The following RBBP5 variants were observed in gnomAD, a reference collection of about 807,000 sequenced individuals.
The protein encoded by RBBP5 is retinoblastoma-binding protein 5.
A neutral mutation model predicts 72.2 loss-of-function variants in RBBP5; 5 were observed. That is an observed-to-expected ratio of 0.07 (90% CI 0.04 to 0.15). The LOEUF (loss-of-function observed/expected upper bound fraction) is 0.15, where lower values mean the gene tolerates loss of function less well. RBBP5 is among the 10% of genes least tolerant of loss of function. The pLI is 1.00. For missense variants in RBBP5, 322 were observed against 652.2 expected, an observed-to-expected ratio of 0.49 and a Z score of 5.51; for synonymous variants, 209 against 237.2, an observed-to-expected ratio of 0.88 and a Z score of 1.09.
chr1:205,109,661 G>A (rs765312819), intron 3 of RBBP5, among the ~76,000 whole-genome samples: 3 of 151,804 alleles, frequency 2.0e-5, no homozygotes, highest in Non-Finnish European at 4.4e-5. Context: ...TCATAATGGA[G>A]GGAAATCTAA....
intron 12 of RBBP5, among the ~76,000 whole-genome samples, chr1:205,095,312 T>C (rs1817001): frequency 0.8 from 121,802 of 152,104 alleles, 49,931 homozygotes; most frequent in East Asian, 0.97. Context: ...ACATGCGGCC[T>C]AGGACAGCTT....
intron 10 of RBBP5, among the ~76,000 whole-genome samples, chr1:205,098,328 GA>G (rs1262224404): frequency 6.6e-6 from 1 of 152,146 alleles, no homozygotes; most frequent in Non-Finnish European, 1.5e-5. Context: ...GAATACATGG[GA>G]AAAGCTGAGC....
At chr1:205,106,423 C>T (rs1320630125) in intron 3 of RBBP5, among the ~76,000 whole-genome samples, 4 of 152,124 alleles carry the variant, frequency 2.6e-5, no homozygotes, top group Non-Finnish European at 5.9e-5. Flanking sequence ...GGTGAAACTC[C>T]GTTGTCTACT....
chr1:205,099,668 C>A lies in RBBP5; in HGVS notation c.978+73G>T. On this transcript the variant is annotated intron_variant, in intron 9 of 13. Coordinates refer to ENST00000264515, the MANE Select transcript of RBBP5 (RefSeq NM_005057.4). This position sits in a 1 kb window ranked among gnomAD's most constrained non-coding sequence, Gnocchi z 4.7. ...AAGAAAATAAAAATGTAATTTTTAGCTTCCTATGTATAAGGTTCTTTGATA... is the reference window on the plus strand; with the variant it reads ...AAGAAAATAAAAATGTAATTTTTAGATTCCTATGTATAAGGTTCTTTGATA... 1 of 1,394,688 alleles carries A rather than the reference C, an allele frequency of 7.2e-7. No homozygotes were observed. The allele number at this position is 1,394,688 out of a possible 1,614,324, so 86.4% of individuals were successfully genotyped here.
chr1:205,110,256 G>A (rs1461388607), intron 3 of RBBP5, among the ~76,000 whole-genome samples: 2 of 152,102 alleles, frequency 1.3e-5, no homozygotes, highest in South Asian at 2.1e-4. Context: ...CTGACCTCAA[G>A]TGATTGGTGA....
intron 3 of RBBP5, 118 bp from the exon 4 acceptor site, chr1:205,105,286 T>C (rs1373049857): frequency 1.6e-6 from 2 of 1,219,014 alleles, no homozygotes; most frequent in Non-Finnish European, 2.3e-6. Flanking sequence ...ATGTTTTTGG[T>C]TTTGTTCCAC....
intron 13 of RBBP5, among the ~76,000 whole-genome samples, chr1:205,092,741 C>G (rs1192068132): frequency 6.6e-6 from 1 of 150,928 alleles, no homozygotes; most frequent in Non-Finnish European, 1.5e-5. Context: ...AAGGTTTTTT[C>G]TTGTTTGTTT....
At chr1:205,096,399 G>A (rs534678785) in intron 12 of RBBP5, among the ~76,000 whole-genome samples, 4 of 152,118 alleles carry the variant, frequency 2.6e-5, no homozygotes, top group South Asian at 2.1e-4. Context: ...ACCACTCTAC[G>A]GGGAAACATT....
chr1:205,120,423 G>A (rs563103138), intron 1 of RBBP5, among the ~76,000 whole-genome samples: 1 of 152,258 alleles, frequency 6.6e-6, no homozygotes, highest in Non-Finnish European at 1.5e-5. Flanking sequence ...TGGCCAAGCA[G>A]GAAAATTCTT....
chr1:205,105,820 G>C (rs891865968), intron 3 of RBBP5, among the ~76,000 whole-genome samples: 1 of 152,204 alleles, frequency 6.6e-6, no homozygotes, highest in African/African-American at 2.4e-5. Flanking sequence ...CCCAAGAAGA[G>C]CTAAGGGACC....
In RBBP5 at chr1:205,088,665, A is replaced by C; in HGVS notation, c.*122T>G. On this transcript the variant is annotated 3_prime_UTR_variant, in exon 14 of 14. Transcript: ENST00000264515. ...ATTTAAACATAAAATTCACCCTCCCACCTCCTGGGTGGGAGGCACAGGCCT... is the reference window on the plus strand; with the variant it reads ...ATTTAAACATAAAATTCACCCTCCCCCCTCCTGGGTGGGAGGCACAGGCCT... 1 of 965,396 alleles carries C rather than the reference A, an allele frequency of 1.0e-6. No individual in the cohort carries two copies. Among genetic ancestry groups the C allele is most frequent in the Non-Finnish European group, 1.6e-6 (1 of 640,934 alleles). The allele number at this position is 965,396 out of a possible 1,614,324, so 59.8% of individuals were successfully genotyped here.
intron 3 of RBBP5, among the ~76,000 whole-genome samples, chr1:205,111,207 A>C (rs141047242): frequency 2.0e-5 from 3 of 152,374 alleles, no homozygotes; most frequent in East Asian, 1.9e-4. Flanking sequence ...CTGGAAGTCT[A>C]CTGTAATGAG....
chr1:205,107,380 T>C (rs962806993), intron 3 of RBBP5, among the ~76,000 whole-genome samples: 7 of 150,786 alleles, frequency 4.6e-5, no homozygotes, highest in African/African-American at 1.5e-4. Flanking sequence ...AAGAGAAAAA[T>C]GATGCCTTAT....
intron 12 of RBBP5, among the ~76,000 whole-genome samples, chr1:205,095,692 G>A (rs1476783277): frequency 1.3e-5 from 2 of 152,180 alleles, no homozygotes; most frequent in African/African-American, 4.8e-5. Flanking sequence ...CCACTTCTGT[G>A]AGACTTTAGG....
intron 1 of RBBP5, 65 bp from the exon 2 acceptor site, chr1:205,115,948 G>A (rs752537449): frequency 7.4e-6 from 12 of 1,613,676 alleles, no homozygotes; most frequent in Admixed American, 3.3e-5. Context: ...TACAACTCAC[G>A]AACAGTGTAT....
chr1:205,091,699 G>A (rs1309796665), intron 13 of RBBP5: 1 of 152,214 alleles, frequency 6.6e-6, no homozygotes, highest in Non-Finnish European at 1.5e-5. Flanking sequence ...TTAACAAACA[G>A]TTGTCATTCA....
Position 205,105,034 on chromosome 1 carries a change from C to T in RBBP5, c.353G>A (p.Arg118Gln), listed in dbSNP as rs1437194246. 4 of 1,613,868 alleles carry T rather than the reference C, an allele frequency of 2.5e-6. No homozygotes were observed. The highest frequency in any genetic ancestry group is 3.4e-6 in the Non-Finnish European group (4 of 1,179,894). ...SPILKVQYHP[R>Q]DQNKVLVCPM... ...AGAAATAGCTTAAACATACTGATCT[C>T]GTGGATGATATTGGACTTTTAAGAT... Residue 118 changes from arginine to glutamine, a missense_variant, in exon 4 of 14, where the codon CGA becomes CAA. Transcript: ENST00000264515.
In RBBP5 at chr1:205,094,869, T is replaced by C. The variant is rs775232917; in HGVS notation, c.1588+4A>G. ...GCCAGACAATGCTCCCAATGTGTCCTTACCTGTCAAGGGCTGGCTGAGTTC... is the reference window on the plus strand; with the variant it reads ...GCCAGACAATGCTCCCAATGTGTCCCTACCTGTCAAGGGCTGGCTGAGTTC... On this transcript the variant is annotated splice_donor_region_variant and intron_variant, in intron 13 of 13. Coordinates refer to ENST00000264515, the MANE Select transcript of RBBP5 (RefSeq NM_005057.4). 1 of 1,612,826 alleles carries C rather than the reference T, an allele frequency of 6.2e-7. No individual in the cohort carries two copies. Among genetic ancestry groups the C allele is most frequent in the South Asian group, 1.1e-5 (1 of 90,890 alleles).
chr1:205,088,529 C>A lies in RBBP5; in HGVS notation c.*258G>T, dbSNP rs1241520468. 1.7e-5 allele frequency: 8 copies of A among 461,360 alleles called. 1 individual carries two copies. The highest frequency in any genetic ancestry group is 3.0e-5 in the Non-Finnish European group (8 of 263,484). The allele number at this position is 461,360 out of a possible 1,614,324, so 28.6% of individuals were successfully genotyped here. A position where few individuals can be genotyped will look rare whatever the true frequency, so the allele number is the denominator to read the frequency against. ...ACTAAGCATCAAAGTTTAAATGAGT[C>A]AAAATTCCTATCTGATGTCTTCACA... On this transcript the variant is annotated 3_prime_UTR_variant, in exon 14 of 14. Transcript: ENST00000264515.
Sources: gnomAD v4.1 joint callset for allele counts (sites outside exome capture counted in the v4.1 genomes callset) on GRCh38, gnomAD v4.1.1 for gene constraint, Gnocchi (gnomAD v3.1) non-coding constraint, MANE v1.5 for transcripts, NCBI Gene and HGNC (gene_info 2026-07-23, HGNC 2026-07-21) for gene names.